The following GPATCH8 variants were observed in gnomAD, a reference collection of about 807,000 sequenced individuals.
GPATCH8 encodes G patch domain-containing protein 8.
A neutral mutation model predicts 118.3 loss-of-function variants in GPATCH8; 18 were observed. The observed-to-expected ratio is 0.15, with a 90% CI of 0.11 to 0.23. GPATCH8 has a LOEUF of 0.23. GPATCH8 is among the 10% of genes least tolerant of loss of function. The pLI is 1.00. For synonymous variants in GPATCH8, 659 were observed against 684.7 expected, an observed-to-expected ratio of 0.96 and a Z score of 0.59; for missense variants, 1,631 against 1,873.8, an observed-to-expected ratio of 0.87 and a Z score of 2.39.
chr17:44,456,039 G>A (rs570311193), intron 3 of GPATCH8, among the ~76,000 whole-genome samples: 28 of 151,528 alleles, frequency 1.8e-4, no homozygotes, highest in Admixed American at 3.3e-4. Context: ...GAGCCATAGC[G>A]CCCAGACAAA....
chr17:44,479,553 C>T (rs1968045067), intron 1 of GPATCH8, among the ~76,000 whole-genome samples: 1 of 152,078 alleles, frequency 6.6e-6, no homozygotes, highest in South Asian at 2.1e-4. Flanking sequence ...CACTGCAGAC[C>T]TAAATGTAAA....
intron 5 of GPATCH8, among the ~76,000 whole-genome samples, chr17:44,431,936 G>C (rs2050330278): frequency 6.6e-6 from 1 of 151,950 alleles, no homozygotes; most frequent in African/African-American, 2.4e-5. Flanking sequence ...TATAAAATTA[G>C]AGATGAGAGA....
chr17:44,455,966 C>T (rs1029578803), intron 3 of GPATCH8, among the ~76,000 whole-genome samples: 1 of 152,110 alleles, frequency 6.6e-6, no homozygotes, highest in Non-Finnish European at 1.5e-5. Flanking sequence ...AGGCTAGTCT[C>T]GAACTCCTGA....
At chr17:44,447,881 C>T (rs918907784) in intron 3 of GPATCH8, among the ~76,000 whole-genome samples, 59 of 152,262 alleles carry the variant, frequency 3.9e-4, no homozygotes, top group African/African-American at 1.3e-3. Context: ...CTATGCAGAA[C>T]GCTCAAGGGT....
chr17:44,402,820 G>C (rs2049078905), intron 7 of GPATCH8, among the ~76,000 whole-genome samples: 1 of 152,150 alleles, frequency 6.6e-6, no homozygotes, highest in African/African-American at 2.4e-5. Flanking sequence ...GGCAGTTTCT[G>C]GGCATTCAGT....
In GPATCH8 at chr17:44,397,745, G is replaced by T; in HGVS notation, c.4332C>A (p.Ala1444=). 1 of 1,592,474 alleles carries T rather than the reference G, an allele frequency of 6.3e-7. No individual in the cohort carries two copies. The highest frequency in any genetic ancestry group is 2.2e-5 in the East Asian group (1 of 44,498). ...LASHPIHIIP[A]SAIHPGPFTF... is the part of the protein sequence containing the mutation. ...TGAAGGGCCCAGGATGGATGGCTGA[G>T]GCGGGAATGATGTGGATGGGATGGC... Residue 1444 remains alanine, a synonymous_variant, in exon 8 of 8, where the codon GCC becomes GCA. Coordinates refer to ENST00000591680, the MANE Select transcript of GPATCH8 (RefSeq NM_001002909.4).
chr17:44,413,632 C>T (rs1598430298), intron 6 of GPATCH8, among the ~76,000 whole-genome samples: 1 of 152,032 alleles, frequency 6.6e-6, no homozygotes, highest in Admixed American at 6.6e-5. Context: ...CGTGCCACCA[C>T]ACCGGGCTAA....
intron 7 of GPATCH8, among the ~76,000 whole-genome samples, chr17:44,405,428 G>A (rs1423590294): frequency 1.3e-5 from 2 of 151,456 alleles, no homozygotes; most frequent in African/African-American, 4.9e-5. Flanking sequence ...GGCTGGTCTC[G>A]AACTCCCAAC....
At chr17:44,479,707 G>A (rs891837012) in intron 1 of GPATCH8, among the ~76,000 whole-genome samples, 4 of 152,144 alleles carry the variant, frequency 2.6e-5, no homozygotes, top group Non-Finnish European at 4.4e-5. Flanking sequence ...GGTGGCTCAC[G>A]CCTGTAATCC....
chr17:44,426,848 ACTCTCTCTCTCT>A (rs71361571), intron 5 of GPATCH8, among the ~76,000 whole-genome samples: 10 of 35,394 alleles, frequency 2.8e-4, no homozygotes, highest in African/African-American at 6.8e-4. Context: ...ACACACACAC[ACTCTCTCTCTCT>A]CTCTCTCTCT....
intron 1 of GPATCH8, among the ~76,000 whole-genome samples, chr17:44,487,214 G>A (rs1321055945): frequency 6.6e-6 from 1 of 151,988 alleles, no homozygotes; most frequent in Non-Finnish European, 1.5e-5. Flanking sequence ...CTGTTTCTAC[G>A]GTTTTGCCTT....
At chr17:44,451,622 A>G (rs983733530) in intron 3 of GPATCH8, among the ~76,000 whole-genome samples, 3 of 152,228 alleles carry the variant, frequency 2.0e-5, no homozygotes, top group East Asian at 1.9e-4. Flanking sequence ...AGTATGAGAC[A>G]TAAGTTACAG....
intron 1 of GPATCH8, among the ~76,000 whole-genome samples, chr17:44,482,707 T>TA (rs999397762): frequency 1.7e-4 from 25 of 151,218 alleles, no homozygotes; most frequent in African/African-American, 2.7e-4. Flanking sequence ...AAAGTAAAAT[T>TA]AAAAAAAATA....
chr17:44,469,804 C>T (rs1967126817), intron 2 of GPATCH8, among the ~76,000 whole-genome samples: 1 of 152,202 alleles, frequency 6.6e-6, no homozygotes, highest in African/African-American at 2.4e-5. Flanking sequence ...TAATGCTACA[C>T]CATTCAGCTC....
intron 1 of GPATCH8, among the ~76,000 whole-genome samples, chr17:44,491,570 T>C (rs1422457227): frequency 2.6e-5 from 4 of 152,144 alleles, no homozygotes; most frequent in South Asian, 4.1e-4. Context: ...TTGGTGGATA[T>C]TGGCTGGGCA....
chr17:44,404,365 G>C (rs2049141105), intron 7 of GPATCH8, among the ~76,000 whole-genome samples: 1 of 151,840 alleles, frequency 6.6e-6, no homozygotes, highest in Non-Finnish European at 1.5e-5. Flanking sequence ...CTGGTCTTGA[G>C]CTCCTGGGTT....
intron 3 of GPATCH8, among the ~76,000 whole-genome samples, chr17:44,458,678 T>G: frequency 6.6e-6 from 1 of 152,084 alleles, no homozygotes; most frequent in East Asian, 1.9e-4. Flanking sequence ...CACGCCACCA[T>G]GCCTGGCTAA....
chr17:44,476,195 G>A (rs958912820), intron 1 of GPATCH8, among the ~76,000 whole-genome samples: 1 of 151,440 alleles, frequency 6.6e-6, no homozygotes, highest in African/African-American at 2.4e-5. Flanking sequence ...CAAACAAAGA[G>A]CCACGCTGTT....
rs139808970 is a variant in GPATCH8, at chr17:44,401,283, T to C, written c.794A>G (p.Gln265Arg). Residue 265 changes from glutamine (Q) to arginine (R), a missense_variant, in exon 8 of 8, where the codon CAA becomes CGA. By Grantham distance (43) the Gln-to-Arg change is conservative (BLOSUM62 1). Coordinates refer to ENST00000591680, the MANE Select transcript of GPATCH8 (RefSeq NM_001002909.4). ...GGCCAGTCCAGTGGTATTAGTGATT[T>C]GTACTGCAGTGAAAGGGCCTCCTTT... ...TDKGGPFTAV[Q>R]ITNTTGLAQA... The C allele has an allele frequency of 1.2e-6, 2 of 1,611,684 alleles. No individual in the cohort carries two copies.
Sources: gnomAD v4.1 joint callset for allele counts (sites outside exome capture counted in the v4.1 genomes callset) on GRCh38, gnomAD v4.1.1 for gene constraint, MANE v1.5 for transcripts, NCBI Gene and HGNC (gene_info 2026-07-23, HGNC 2026-07-21) for gene names.